The following CAST variants were observed in gnomAD, a reference collection of about 807,000 sequenced individuals.
The protein encoded by CAST is MIR583 host.
A neutral mutation model predicts 119.6 loss-of-function variants in CAST; 76 were observed. The ratio of observed to expected loss-of-function variants is 0.64; its 90% CI spans 0.53 to 0.77. CAST has a LOEUF of 0.77. Ranked by LOEUF, CAST falls within the 30% of genes least tolerant of loss-of-function variation. CAST has a pLI of 0.00. For missense variants in CAST, 953 were observed against 946.5 expected (o/e 1.01, Z -0.09); for synonymous variants, 319 against 331.6 (o/e 0.96, Z 0.41).
At chr5:96,319,620 C>G in the CAST span, among the ~76,000 whole-genome samples, 23 of 152,230 alleles carry the variant, frequency 1.5e-4, 1 homozygote, top group South Asian at 4.8e-3. Flanking sequence ...GATGTGAAAA[C>G]AATGTGAGAT....
At chr5:96,105,410 A>G in the CAST span, among the ~76,000 whole-genome samples, 3 of 152,232 alleles carry the variant, frequency 2.0e-5, no homozygotes, top group Non-Finnish European at 4.4e-5. Context: ...AATGTGTCCC[A>G]TCAATACCTA....
the CAST span, among the ~76,000 whole-genome samples, chr5:96,223,475 C>A: frequency 6.6e-6 from 1 of 152,050 alleles, no homozygotes; most frequent in Non-Finnish European, 1.5e-5. Flanking sequence ...GATTTCATGT[C>A]ATTATGAGCA....
intron 1 of CAST, among the ~76,000 whole-genome samples, chr5:96,643,557 G>C (rs1561438007): frequency 6.6e-6 from 1 of 152,026 alleles, no homozygotes; most frequent in Non-Finnish European, 1.5e-5. Context: ...GACCAACATG[G>C]TAAAACCCCA....
At chr5:96,174,612 G>A in the CAST span, among the ~76,000 whole-genome samples, 1 of 152,092 alleles carries the variant, frequency 6.6e-6, no homozygotes, top group Non-Finnish European at 1.5e-5. Flanking sequence ...TTTAATATTG[G>A]CACTGTTTTT....
At chr5:96,748,033 A>G (rs765926783) in intron 18 of CAST, among the ~76,000 whole-genome samples, 15 of 152,192 alleles carry the variant, frequency 9.9e-5, no homozygotes, top group Non-Finnish European at 1.6e-4. Flanking sequence ...GTTAGTGACA[A>G]TCTCCACATG....
chr5:96,073,818 G>A, the CAST span, among the ~76,000 whole-genome samples: 1 of 152,088 alleles, frequency 6.6e-6, no homozygotes, highest in South Asian at 2.1e-4. Flanking sequence ...GACCACTACC[G>A]GTTCTTTGCC....
the CAST span, among the ~76,000 whole-genome samples, chr5:96,513,379 G>T: frequency 6.6e-6 from 1 of 152,218 alleles, no homozygotes; most frequent in Non-Finnish European, 1.5e-5. Flanking sequence ...TAGACAGATA[G>T]ATGGGTTCCA....
intron 1 of CAST, among the ~76,000 whole-genome samples, chr5:96,649,282 G>A (rs998455821): frequency 6.6e-6 from 1 of 152,148 alleles, no homozygotes; most frequent in African/African-American, 2.4e-5. Flanking sequence ...ATAAATTACT[G>A]TGTTTCTGTC....
chr5:96,134,054 C>T, the CAST span, among the ~76,000 whole-genome samples: 3 of 152,178 alleles, frequency 2.0e-5, no homozygotes, highest in Non-Finnish European at 2.9e-5. Context: ...GTAAAACCTC[C>T]GTTTCTACAG....
At chr5:96,509,264 G>A in the CAST span, among the ~76,000 whole-genome samples, 3 of 152,318 alleles carry the variant, frequency 2.0e-5, no homozygotes, top group Admixed American at 6.5e-5. Flanking sequence ...CTTTGCAACC[G>A]GTGAAGTGAC....
chr5:96,393,373 C>A, the CAST span: 1 of 1,613,746 alleles, frequency 6.2e-7, no homozygotes, highest in Non-Finnish European at 8.5e-7. Context: ...CTTGTGTGGG[C>A]TGCTCCTAAA....
At chr5:96,710,077 G>A (rs1222077194) in intron 3 of CAST, among the ~76,000 whole-genome samples, 1 of 152,178 alleles carries the variant, frequency 6.6e-6, no homozygotes, top group East Asian at 1.9e-4. Context: ...GTACTTCAGG[G>A]CAAGCATGTA....
the CAST span, among the ~76,000 whole-genome samples, chr5:96,200,000 T>C: frequency 3.9e-5 from 6 of 152,218 alleles, no homozygotes; most frequent in East Asian, 9.6e-4. Flanking sequence ...TTCTTGAATA[T>C]GATAATAAAT....
chr5:96,617,679 C>T (rs1284220942), intron 1 of CAST, among the ~76,000 whole-genome samples: 1 of 151,304 alleles, frequency 6.6e-6, no homozygotes, highest in Non-Finnish European at 1.5e-5. Context: ...GTAGTCCCAG[C>T]TACTCGAGAG....
the CAST span, among the ~76,000 whole-genome samples, chr5:96,269,957 A>G: frequency 6.6e-6 from 1 of 152,238 alleles, no homozygotes; most frequent in African/African-American, 2.4e-5. Flanking sequence ...CTACAGGCCA[A>G]TATTGCTGAT....
the CAST span, among the ~76,000 whole-genome samples, chr5:96,362,114 G>C: frequency 1.3e-5 from 2 of 151,982 alleles, no homozygotes; most frequent in African/African-American, 4.8e-5. Context: ...ATAGTTTGCT[G>C]AGAATGATGG....
chr5:96,747,678 A>G (rs1015870903), intron 18 of CAST, among the ~76,000 whole-genome samples: 3 of 152,208 alleles, frequency 2.0e-5, no homozygotes, highest in Non-Finnish European at 4.4e-5. Flanking sequence ...AGATTAAGCT[A>G]GCACTTAGAG....
At chr5:96,672,299 A>G (rs1223517941) in intron 1 of CAST, among the ~76,000 whole-genome samples, 2 of 152,142 alleles carry the variant, frequency 1.3e-5, no homozygotes, top group Non-Finnish European at 2.9e-5. Flanking sequence ...AGGGCAAAAT[A>G]TGGCAACAAT....
Position 96,774,461 on chromosome 5 carries a change from A to G in CAST, c.*1845A>G. Reference sequence around the variant, plus strand: ...CCTTTTTACAGTCTAGTTAGGAGAGAGAAAATAATTGCAAATATCCACTTA... The same window carrying G: ...CCTTTTTACAGTCTAGTTAGGAGAGGGAAAATAATTGCAAATATCCACTTA... On this transcript the variant is annotated 3_prime_UTR_variant, in exon 32 of 32. Coordinates refer to ENST00000675179, the MANE Select transcript of CAST (RefSeq NM_001750.7). The G allele has an allele frequency of 2.1e-6, 2 of 971,362 alleles. No individual in the cohort carries two copies. Among genetic ancestry groups the G allele is most frequent in the Non-Finnish European group, 2.5e-6 (2 of 815,446 alleles). The allele number at this position is 971,362 out of a possible 1,614,324, so 60.2% of individuals were successfully genotyped here.
Sources: gnomAD v4.1 joint callset for allele counts (sites outside exome capture counted in the v4.1 genomes callset) on GRCh38, gnomAD v4.1.1 for gene constraint, MANE v1.5 for transcripts, NCBI Gene and HGNC (gene_info 2026-07-23, HGNC 2026-07-21) for gene names.